Variants in TTN observed in about 807,000 individuals in gnomAD.
TTN encodes titin.
In TTN, 1,525 loss-of-function variants were observed where a neutral mutation model predicts 3,223.0. The ratio of observed to expected loss-of-function variants is 0.47; its 90% CI spans 0.45 to 0.49. TTN has a LOEUF of 0.49. Among genes scored for constraint, TTN ranks in the 20% least tolerant of loss-of-function variants. TTN has a pLI of 0.00. For synonymous variants in TTN, 14,094 were observed against 15,161.0 expected (o/e 0.93, Z 5.17); for missense variants, 40,786 against 43,424.0 (o/e 0.94, Z 5.40).
intron 338 of TTN, 45 bp downstream of exon 338, chr2:178,549,525 G>T (rs966198839): frequency 6.3e-7 from 1 of 1,593,588 alleles, no homozygotes; most frequent in Non-Finnish European, 8.6e-7. Flanking sequence ...TGCTTGGAAG[G>T]TTAAACTTTT....
rs746365549 is a variant in TTN at position 178,782,573 on chromosome 2, C to T, written c.3130G>A (p.Ala1044Thr). The part of the protein sequence containing the change: ...VSEEFEKETT[A>T]VTEKFTTEEK... ...TCTGTAGTAAATTTCTCAGTCACGG[C>T]TGTGGTTTCCTTTTCAAATTCTTCT... The change falls in exon 19 of 363, where the codon GCC becomes ACC. Residue 1044 changes from alanine (A) to threonine (T), a missense_variant. By Grantham distance (58) the Ala-to-Thr change is moderately conservative. Coordinates refer to ENST00000589042, the MANE Select transcript of TTN (RefSeq NM_001267550.2). 3 of 1,613,840 alleles carry T rather than the reference C, an allele frequency of 1.9e-6. No homozygotes were observed. The East Asian group carries it at 6.7e-5, about 36-fold the overall frequency.
chr2:178,764,270 G>T lies in TTN; in HGVS notation c.10021C>A (p.Pro3341Thr). The change falls in exon 43 of 363, where the codon CCT becomes ACT. Residue 3341 changes from proline (P) to threonine (T), a missense_variant. Physicochemically the swap from Pro to Thr is conservative, Grantham distance 38. Coordinates refer to ENST00000589042, the MANE Select transcript of TTN (RefSeq NM_001267550.2). The part of the protein sequence containing the change: ...PEVVSPDQEM[P>T]VYPPAIITPL... ...GTGATGATGGCAGGTGGATAAACAG[G>T]CATTTCCTGATCAGGAGACACAACT... The T allele has an allele frequency of 6.2e-7, 1 of 1,614,036 alleles. No individual in the cohort carries two copies. The highest frequency in any genetic ancestry group is 8.5e-7 in the Non-Finnish European group (1 of 1,179,978).
In TTN at chr2:178,569,735, A is replaced by T. The variant is rs780302234; in HGVS notation, c.76397T>A (p.Ile25466Lys). The stretch of plus-strand genomic sequence containing the variant: ...CTTTTCCAACAGCTTCTCTACTTCT[A>T]TGTTTGTTTTATTAATTCCTGTTGG... The part of the protein sequence containing the change: ...TPPTGINKTN[I>K]EVEKLLEKHE... Residue 25466 changes from isoleucine (I) to lysine (K), a missense_variant, in exon 326 of 363, where the codon ATA (isoleucine) becomes AAA (lysine). Coordinates refer to ENST00000589042, the MANE Select transcript of TTN (RefSeq NM_001267550.2). 6.2e-7 allele frequency: 1 copy of T among 1,613,066 alleles called. No individual in the cohort carries two copies. The highest frequency in any genetic ancestry group is 1.3e-5 in the African/African-American group (1 of 74,866).
chr2:178,694,946 C>A, intron 115 of TTN, 40 bp from the exon 116 acceptor site: 1 of 1,417,064 alleles, frequency 7.1e-7, no homozygotes, highest in Non-Finnish European at 9.7e-7. Flanking sequence ...TTTTAGAATT[C>A]CTATTAAAAT....
In TTN at chr2:178,734,376, C is replaced by T; in HGVS notation, c.15448G>A (p.Ala5150Thr). 6.2e-7 allele frequency: 1 copy of T among 1,610,912 alleles called. No homozygotes were observed. Among genetic ancestry groups the T allele is most frequent in the Non-Finnish European group, 8.5e-7 (1 of 1,177,974 alleles). ...ADVGEYECVVANEVGKCGCMA... is the reference protein window; with the variant it reads ...ADVGEYECVVTNEVGKCGCMA... The stretch of plus-strand genomic sequence containing the variant: ...CAGCCACACTTGCCGACTTCATTAG[C>T]AACAACACATTCATATTCACCAACA... Residue 5150 changes from alanine to threonine, a missense_variant, in exon 52 of 363, where the codon GCT becomes ACT. Ala to Thr is a moderately conservative substitution (Grantham distance 58). Transcript: ENST00000589042.
chr2:178,547,328 A>C (rs772987707), intron 339 of TTN, 23 bp from the exon 340 acceptor site: 1 of 1,584,678 alleles, frequency 6.3e-7, no homozygotes, highest in Non-Finnish European at 8.6e-7. Context: ...AAAGGTATTA[A>C]GTATGAATAC....
chr2:178,530,734 G>C lies in TTN; in HGVS notation c.105881C>G (p.Ala35294Gly), dbSNP rs569210689. 3.1e-6 allele frequency: 5 copies of C among 1,613,906 alleles called. No individual in the cohort carries two copies. Among genetic ancestry groups the C allele is most frequent in the Non-Finnish European group, 2.5e-6 (3 of 1,179,872 alleles). The change falls in exon 358 of 363, where the codon GCA becomes GGA. Residue 35294 changes from alanine to glycine, a missense_variant. Ala to Gly is a moderately conservative substitution (Grantham distance 60). Coordinates refer to ENST00000589042, the MANE Select transcript of TTN (RefSeq NM_001267550.2). ...APPKITQFLK[A>G]EASKEIAKLT... Reference sequence around the variant, plus strand: ...TTTTGCAATCTCTTTAGAAGCTTCTGCTTTCAGGAACTGAGTAATCTTTGG... The same window carrying C: ...TTTTGCAATCTCTTTAGAAGCTTCTCCTTTCAGGAACTGAGTAATCTTTGG...
chr2:178,607,471 A>G lies in TTN; in HGVS notation c.53217T>C (p.His17739=), dbSNP rs746621557. 6.2e-7 allele frequency: 1 copy of G among 1,613,274 alleles called. No individual in the cohort carries two copies. Among genetic ancestry groups the G allele is most frequent in the South Asian group, 1.1e-5 (1 of 91,072 alleles). The change falls in exon 277 of 363, where the codon CAT becomes CAC. Residue 17739 remains histidine, a synonymous_variant. Coordinates refer to ENST00000589042, the MANE Select transcript of TTN (RefSeq NM_001267550.2). ...TTGTAGCTGTAATCACATATCTGCC[A>G]TGGTCTTTTCGCAGTGCATCCTTGA... ...LIIKDALRKD[H]GRYVITATNS...
chr2:178,557,589 G>C, intron 328 of TTN, 34 bp from the exon 329 acceptor site: 1 of 1,613,144 alleles, frequency 6.2e-7, no homozygotes, highest in Non-Finnish European at 8.5e-7. Flanking sequence ...GATTAGTACA[G>C]ACAATAACAC....
At position 178,613,831 on chromosome 2, in the gene TTN, T is replaced by A; in HGVS notation, c.49452A>T (p.Gly16484=). Residue 16484 remains glycine (G), a synonymous_variant, in exon 263 of 363, where the codon GGA becomes GGT. Coordinates refer to ENST00000589042, the MANE Select transcript of TTN (RefSeq NM_001267550.2). Reference sequence around the variant, plus strand: ...CAGGATCCAGTCTTTCAACCCAGTATCCTGTGATTGGGCTGCCACCATCAT... The same window carrying A: ...CAGGATCCAGTCTTTCAACCCAGTAACCTGTGATTGGGCTGCCACCATCAT... The part of the protein sequence containing the change: ...PDDDGGSPIT[G]YWVERLDPDT... 6.2e-7 allele frequency: 1 copy of A among 1,612,600 alleles called. No individual in the cohort carries two copies. The highest frequency in any genetic ancestry group is 8.5e-7 in the Non-Finnish European group (1 of 1,179,094).
chr2:178,764,763 T>A lies in TTN; in HGVS notation c.9752A>T (p.Gln3251Leu). ...ACAGAAGCGGGCAGGCTTGCCAGACTGCACAGTGACAGGCTGGAGCTCCTG... is the reference window on the plus strand; with the variant it reads ...ACAGAAGCGGGCAGGCTTGCCAGACAGCACAGTGACAGGCTGGAGCTCCTG... ...VLQELQPVTV[Q>L]SGKPARFCAV... Residue 3251 changes from glutamine (Q) to leucine (L), a missense_variant, in exon 42 of 363, where the codon CAG becomes CTG. Transcript: ENST00000589042. 1.2e-6 allele frequency: 2 copies of A among 1,613,926 alleles called. No homozygotes were observed. The highest frequency in any genetic ancestry group is 4.5e-5 in the East Asian group (2 of 44,868).
intron 106 of TTN, 49 bp from the exon 107 acceptor site, chr2:178,702,712 T>C: frequency 6.7e-7 from 1 of 1,499,764 alleles, no homozygotes. Flanking sequence ...AGAGAGGAAT[T>C]TCTTTTACTT....
In TTN at chr2:178,573,269, G is replaced by C. The variant is rs878997916; in HGVS notation, c.72863C>G (p.Thr24288Arg). 3 of 1,604,942 alleles carry C rather than the reference G, an allele frequency of 1.9e-6. No individual in the cohort carries two copies. Among genetic ancestry groups the C allele is most frequent in the Non-Finnish European group, 1.7e-6 (2 of 1,175,018 alleles). Residue 24288 changes from threonine to arginine, a missense_variant, in exon 326 of 363, where the codon ACA (threonine) becomes AGA (arginine). Physicochemically the swap from Thr to Arg is moderately conservative, Grantham distance 71. Transcript: ENST00000589042. ...TDLRYKVSGLTEGHEYEFRIM... is the reference protein window; with the variant it reads ...TDLRYKVSGLREGHEYEFRIM... ...CCTGAACTCATATTCATGTCCTTCT[G>C]TCAGTCCAGACACTTTATATCTTAA...
chr2:178,743,670 G>A (rs1354622381), intron 47 of TTN, among the ~76,000 whole-genome samples: 1 of 151,856 alleles, frequency 6.6e-6, no homozygotes, highest in East Asian at 1.9e-4. Flanking sequence ...GCTGTATGAT[G>A]TTTGAGTAAA....
In TTN at chr2:178,553,934, T is replaced by C. The variant is rs1348960707; in HGVS notation, c.89177A>G (p.Tyr29726Cys). The change falls in exon 333 of 363, where the codon TAC becomes TGC. Residue 29726 changes from tyrosine to cysteine, a missense_variant. Coordinates refer to ENST00000589042, the MANE Select transcript of TTN (RefSeq NM_001267550.2). ...QGPFSEPSEF[Y>C]KAADPIDPPG... is the part of the protein sequence containing the mutation. Reference sequence around the variant, plus strand: ...CTTACCAATAGGATCAGCAGCTTTGTAGAATTCAGATGGTTCAGAAAATGG... The same window carrying C: ...CTTACCAATAGGATCAGCAGCTTTGCAGAATTCAGATGGTTCAGAAAATGG... The C allele has an allele frequency of 6.2e-7, 1 of 1,602,052 alleles. No homozygotes were observed. The highest frequency in any genetic ancestry group is 1.7e-5 in the Admixed American group (1 of 59,226).
intron 243 of TTN, among the ~76,000 whole-genome samples, chr2:178,622,343 G>T (rs78532592): frequency 5.2e-4 from 79 of 152,026 alleles, no homozygotes; most frequent in African/African-American, 1.9e-3. Context: ...GCCAATGGTA[G>T]TTAATAGCAA....
At position 178,536,246 on chromosome 2, in the gene TTN, C is replaced by T; in HGVS notation, c.100501G>A (p.Glu33501Lys). Residue 33501 changes from glutamate (E) to lysine (K), a missense_variant, in exon 357 of 363, where the codon GAA (glutamate) becomes AAA (lysine). By Grantham distance (56) the Glu-to-Lys change is moderately conservative (BLOSUM62 1). Transcript: ENST00000589042. Reference protein sequence around the residue: ...VPIQAPHFKEELRNLNVRYQS... With the variant: ...VPIQAPHFKEKLRNLNVRYQS... Reference sequence around the variant, plus strand: ...TATCTGACATTTAGATTTCTCAGTTCCTCTTTAAAGTGTGGTGCCTGAATT... The same window carrying T: ...TATCTGACATTTAGATTTCTCAGTTTCTCTTTAAAGTGTGGTGCCTGAATT... 1 of 1,613,454 alleles carries T rather than the reference C, an allele frequency of 6.2e-7. No homozygotes were observed. Among genetic ancestry groups the T allele is most frequent in the East Asian group, 2.2e-5 (1 of 44,848 alleles).
intron 240 of TTN, among the ~76,000 whole-genome samples, chr2:178,626,868 C>T (rs1310236264): frequency 1.3e-5 from 2 of 151,808 alleles, no homozygotes; most frequent in African/African-American, 4.8e-5. Flanking sequence ...GTTGCTTTAT[C>T]ATCTGAGTTC....
In TTN at chr2:178,575,654, G is replaced by A; in HGVS notation, c.70478C>T (p.Thr23493Ile). The change falls in exon 326 of 363, where the codon ACA becomes ATA. Residue 23493 changes from threonine to isoleucine, a missense_variant. Physicochemically the swap from Thr to Ile is moderately conservative, Grantham distance 89. Transcript: ENST00000589042. The surrounding 1 kb of genome is among the most constrained non-coding windows in gnomAD (Gnocchi z 4.0). ...TTCAGACAAGCCGGTAACTTTATATGTGCATTTATGGCACTTAGTGGTGGC... is the reference window on the plus strand; with the variant it reads ...TTCAGACAAGCCGGTAACTTTATATATGCATTTATGGCACTTAGTGGTGGC... ...STATTKCHKCTYKVTGLSEGC... is the reference protein window; with the variant it reads ...STATTKCHKCIYKVTGLSEGC... The A allele has an allele frequency of 3.1e-6, 5 of 1,613,588 alleles. No individual in the cohort carries two copies. Among genetic ancestry groups the A allele is most frequent in the Non-Finnish European group, 4.2e-6 (5 of 1,179,650 alleles).
Sources: allele counts gnomAD v4.1 joint callset (sites outside exome capture counted in the v4.1 genomes callset), GRCh38; gene constraint gnomAD v4.1.1; non-coding constraint Gnocchi (gnomAD v3.1); transcripts MANE v1.5; gene names NCBI Gene and HGNC (gene_info 2026-07-23, HGNC 2026-07-21).